CSMD1: variants seen among roughly 807,000 people sequenced by gnomAD.
The protein encoded by CSMD1 is CUB and sushi domain-containing protein 1.
CSMD1 carries 213 observed loss-of-function variants against 417.5 expected under a neutral mutation model. The observed-to-expected ratio is 0.51, with a 90% CI of 0.46 to 0.57. The LOEUF (loss-of-function observed/expected upper bound fraction) is 0.57, where lower values mean the gene tolerates loss of function less well. Ranked by LOEUF, CSMD1 falls within the 20% of genes least tolerant of loss-of-function variation. The probability of loss-of-function intolerance (pLI) is 0.00; values close to 1 mark genes in which losing one functional copy is unlikely to be tolerated. For missense variants in CSMD1, 6,923 were observed against 4,529.7 expected, an observed-to-expected ratio of 1.53 and a Z score of -15.17; for synonymous variants, 2,862 against 1,736.8, an observed-to-expected ratio of 1.65 and a Z score of -16.11.
chr8:3,398,513 A>C (rs963814876), intron 16 of CSMD1, among the ~76,000 whole-genome samples: 1 of 152,220 alleles, frequency 6.6e-6, no homozygotes, highest in Admixed American at 6.5e-5. Flanking sequence ...GTTAGCATTG[A>C]TCATTTGAAA....
At chr8:3,855,365 T>A (rs1408391904) in intron 5 of CSMD1, among the ~76,000 whole-genome samples, 2 of 152,194 alleles carry the variant, frequency 1.3e-5, no homozygotes, top group Admixed American at 6.5e-5. Context: ...AATTTTAATT[T>A]GCTAGTCTGA....
chr8:4,172,016 CATA>C (rs1483610817), intron 3 of CSMD1, among the ~76,000 whole-genome samples: 2 of 152,082 alleles, frequency 1.3e-5, no homozygotes, highest in African/African-American at 4.8e-5. Flanking sequence ...CAAAGCAGCA[CATA>C]ATATTTTCAA....
At position 3,191,616 on chromosome 8, in the gene CSMD1, G is replaced by C. The variant is rs182814330; in HGVS notation, c.5195-1501C>G. ...TCATGGGCTTTGGATAGTGGGTACT[G>C]ACAGGTAAGTATCAGTGCAACGTGT... On this transcript the variant is annotated intron_variant, in intron 33 of 69. Coordinates refer to ENST00000635120, the MANE Select transcript of CSMD1 (RefSeq NM_033225.6). 9.9e-5 allele frequency among the ~76,000 whole-genome samples: 15 copies of C among 152,240 alleles called. 1 individual carries two copies. Among genetic ancestry groups the C allele is most frequent in the African/African-American group, 2.9e-4 (12 of 41,550 alleles).
At chr8:4,714,849 T>G (rs758238308) in intron 1 of CSMD1, among the ~76,000 whole-genome samples, 1 of 152,208 alleles carries the variant, frequency 6.6e-6, no homozygotes, top group Non-Finnish European at 1.5e-5. Flanking sequence ...TTGCTCCAAA[T>G]TCTTAAAACC....
chr8:3,835,096 A>G (rs1028190599), intron 5 of CSMD1, among the ~76,000 whole-genome samples: 4 of 149,214 alleles, frequency 2.7e-5, no homozygotes, highest in African/African-American at 1.0e-4. Flanking sequence ...GTAGAGAAAT[A>G]GGAACACTTT....
chr8:3,744,534 GTTTC>G (rs1554529021), intron 6 of CSMD1, among the ~76,000 whole-genome samples: 3 of 152,218 alleles, frequency 2.0e-5, no homozygotes, highest in Admixed American at 6.5e-5. Context: ...CCAAAGATTC[GTTTC>G]TTTATTTTCA....
At position 3,408,185 on chromosome 8, in the gene CSMD1, A is replaced by G; in HGVS notation, c.1785T>C (p.Ile595=). 4 of 1,611,900 alleles carry G rather than the reference A, an allele frequency of 2.5e-6. No individual in the cohort carries two copies. Among genetic ancestry groups the G allele is most frequent in the Non-Finnish European group, 3.4e-6 (4 of 1,178,714 alleles). Residue 595 remains isoleucine, a synonymous_variant, in exon 14 of 70, where the codon ATT becomes ATC. Coordinates refer to ENST00000635120, the MANE Select transcript of CSMD1 (RefSeq NM_033225.6). ...FFNFTASSGI[I]LSPNYPEEYG... ...ATTCCTCTGGATAATTTGGTGACAG[A>G]ATAATCCCAGATGATGCCGTAAAGT...
At position 4,095,480 on chromosome 8, in the gene CSMD1, T is replaced by C. The variant is rs78744893; in HGVS notation, c.416-63381A>G. Among the ~76,000 whole-genome samples the C allele has an allele frequency of 1.6e-3, 250 of 152,340 alleles. 6 individuals carry two copies. In the East Asian group the frequency reaches 0.042, roughly 25 times the overall value. On this transcript the variant is annotated intron_variant, in intron 3 of 69. Transcript: ENST00000635120. Reference sequence around the variant, plus strand: ...AGCATTTTGTATTTTTGTGTTGTTTTTCCTATTTTCCGAAATTTGAAGTGG... The same window carrying C: ...AGCATTTTGTATTTTTGTGTTGTTTCTCCTATTTTCCGAAATTTGAAGTGG...
intron 6 of CSMD1, among the ~76,000 whole-genome samples, chr8:3,723,917 A>T (rs1200416304): frequency 2.0e-5 from 3 of 152,248 alleles, no homozygotes; most frequent in Admixed American, 1.3e-4. Context: ...ATGGATGCAG[A>T]TTCCATTTTG....
At chr8:3,333,576 G>C (rs532328273) in intron 23 of CSMD1, among the ~76,000 whole-genome samples, 1 of 152,188 alleles carries the variant, frequency 6.6e-6, no homozygotes, top group Non-Finnish European at 1.5e-5. Flanking sequence ...GCCAGGAGTA[G>C]ATATTAGAGC....
At chr8:3,664,160 C>A (rs776966285) in intron 7 of CSMD1, among the ~76,000 whole-genome samples, 1 of 152,056 alleles carries the variant, frequency 6.6e-6, no homozygotes, top group East Asian at 1.9e-4. Context: ...TTAGGTATTT[C>A]CCCTAATACT....
chr8:4,130,328 T>C (rs1362781330), intron 3 of CSMD1, among the ~76,000 whole-genome samples: 1 of 152,166 alleles, frequency 6.6e-6, no homozygotes, highest in African/African-American at 2.4e-5. Context: ...GCCTAAGGTC[T>C]TCTATTCCAA....
intron 5 of CSMD1, among the ~76,000 whole-genome samples, chr8:3,821,900 T>G (rs1028931695): frequency 6.6e-6 from 1 of 152,186 alleles, no homozygotes; most frequent in African/African-American, 2.4e-5. Flanking sequence ...GAACTGTGCT[T>G]CCAGAAGCTG....
chr8:3,498,264 T>G (rs1796449681), intron 10 of CSMD1, among the ~76,000 whole-genome samples: 1 of 152,224 alleles, frequency 6.6e-6, no homozygotes. Flanking sequence ...ATTATGTATT[T>G]ATATTGCTAT....
intron 3 of CSMD1, among the ~76,000 whole-genome samples, chr8:4,152,773 T>C (rs1796636983): frequency 6.6e-6 from 1 of 152,124 alleles, no homozygotes; most frequent in African/African-American, 2.4e-5. Flanking sequence ...TAATCAAATA[T>C]ATATGCATGC....
intron 5 of CSMD1, among the ~76,000 whole-genome samples, chr8:3,937,217 T>G (rs973235511): frequency 6.6e-6 from 1 of 152,162 alleles, no homozygotes; most frequent in African/African-American, 2.4e-5. Context: ...CAACAAAAGA[T>G]TGTGATTATT....
rs527821653 is a variant in CSMD1, at chr8:3,902,810, A to G, written c.818+95093T>C. On this transcript the variant is annotated intron_variant, in intron 5 of 69. Transcript: ENST00000635120. ...CTTTGCAACATTTTATGAGAATTAA[A>G]TTACATAATGCACTGACTGGCCCAT... is the stretch of plus-strand genomic sequence containing the variant. Among the ~76,000 whole-genome samples, 3 of 152,274 alleles carry G rather than the reference A, an allele frequency of 2.0e-5. No individual in the cohort carries two copies. The East Asian group carries it at 5.8e-4, about 29-fold the overall frequency.
At chr8:4,420,436 G>C (rs944048170) in intron 2 of CSMD1, among the ~76,000 whole-genome samples, 2 of 151,966 alleles carry the variant, frequency 1.3e-5, no homozygotes, top group African/African-American at 4.8e-5. Context: ...TTAGGTAGGT[G>C]AAGGTGCGTC....
At chr8:4,604,416 T>C (rs375949748) in intron 2 of CSMD1, among the ~76,000 whole-genome samples, 102 of 84,552 alleles carry the variant, frequency 1.2e-3, no homozygotes, top group Non-Finnish European at 2.7e-3. Context: ...TGTGTGCGCG[T>C]GCGTAAAGAC....
Sources: allele counts gnomAD v4.1 joint callset (sites outside exome capture counted in the v4.1 genomes callset), GRCh38; gene constraint gnomAD v4.1.1; transcripts MANE v1.5; gene names NCBI Gene and HGNC (gene_info 2026-07-23, HGNC 2026-07-21).